Variants in SKOR2 observed in about 807,000 individuals in gnomAD.
SKOR2 encodes SKI family transcriptional corepressor 2.
SKOR2 carries 47 observed loss-of-function variants against 69.1 expected under a neutral mutation model. The observed-to-expected ratio is 0.68, with a 90% confidence interval of 0.54 to 0.87. The LOEUF (loss-of-function observed/expected upper bound fraction) is 0.87. Ranked by LOEUF, SKOR2 falls within the 40% of genes least tolerant of loss-of-function variation. SKOR2 has a pLI of 0.00. For synonymous variants in SKOR2, 717 were observed against 672.6 expected (o/e 1.07, Z -1.02); for missense variants, 1,404 against 1,472.2 (o/e 0.95, Z 0.76).
At chr18:47,244,250 T>G (rs2668772) in intron 4 of SKOR2, among the ~76,000 whole-genome samples, 98,833 of 152,022 alleles carry the variant, frequency 0.65, 33,022 homozygotes, top group African/African-American at 0.82. Context: ...AGACATTGCC[T>G]CAGGATAACA....
Position 47,247,181 on chromosome 18 carries a change from TGGTGGTGGTGGTGGTGGTGGTGAG to T in SKOR2, c.1979_2002del (p.Pro660_His667del). Reference sequence around the variant, plus strand: ...AAGCGGCGACGGCGGCTGCGGGGGGTGGTGGTGGTGGTGGTGGTGGTGAGGGTGGTGATGGTGGTGGGGATGCGT... The same window carrying T: ...AAGCGGCGACGGCGGCTGCGGGGGGTGGTGGTGATGGTGGTGGGGATGCGT... On this transcript the variant is annotated inframe_deletion, in exon 2 of 9. Coordinates refer to ENST00000425639, the MANE Select transcript of SKOR2 (RefSeq NM_001278063.4). This position sits in a 1 kb window ranked among gnomAD's most constrained non-coding sequence, Gnocchi z 6.6. 1.5e-6 allele frequency: 1 copy of T among 679,226 alleles called. No individual in the cohort carries two copies. Among genetic ancestry groups the T allele is most frequent in the Non-Finnish European group, 1.8e-6 (1 of 552,018 alleles). The allele number at this position is 679,226 out of a possible 1,614,324, so 42.1% of individuals were successfully genotyped here.
At chr18:47,207,297 A>G (rs1354624713) in intron 8 of SKOR2, among the ~76,000 whole-genome samples, 2 of 152,204 alleles carry the variant, frequency 1.3e-5, no homozygotes, top group Non-Finnish European at 2.9e-5. Flanking sequence ...TTCAAAATCA[A>G]TAAAATGATT....
intron 6 of SKOR2, among the ~76,000 whole-genome samples, chr18:47,225,247 T>TCATA (rs1349634717): frequency 6.6e-6 from 1 of 152,228 alleles, no homozygotes; most frequent in Non-Finnish European, 1.5e-5. Context: ...CTAACATTTT[T>TCATA]CATAAAGCCC....
chr18:47,246,970 C>A lies in SKOR2; in HGVS notation c.2214G>T (p.Glu738Asp). The change falls in exon 2 of 9, where the codon GAG becomes GAT. Residue 738 changes from glutamate to aspartate, a missense_variant. By Grantham distance (45) the Glu-to-Asp change is conservative. Coordinates refer to ENST00000425639, the MANE Select transcript of SKOR2 (RefSeq NM_001278063.4). Reference protein sequence around the residue: ...SEDSSEDEDDEEEEQEVDVEG... With the variant: ...SEDSSEDEDDDEEEQEVDVEG... ...CCACGTCCACCTCCTGCTCTTCTTC[C>A]TCGTCGTCCTCGTCCTCGGAGCTGT... 6.7e-7 allele frequency: 1 copy of A among 1,498,006 alleles called. No homozygotes were observed. The allele number at this position is 1,498,006 out of a possible 1,614,324, so 92.8% of individuals were successfully genotyped here. A position where few individuals can be genotyped will look rare whatever the true frequency, so the allele number is the denominator to read the frequency against.
intron 4 of SKOR2, among the ~76,000 whole-genome samples, chr18:47,242,567 T>C (rs772243364): frequency 2.0e-5 from 3 of 152,104 alleles, no homozygotes; most frequent in Non-Finnish European, 4.4e-5. Flanking sequence ...TGAAAAGCTA[T>C]TGCACATGTT....
intron 6 of SKOR2, among the ~76,000 whole-genome samples, chr18:47,222,868 T>G (rs1600029672): frequency 6.6e-6 from 1 of 152,218 alleles, no homozygotes; most frequent in East Asian, 1.9e-4. Flanking sequence ...TCATGCTCAT[T>G]TTTCTATGAT....
At chr18:47,238,363 C>T (rs1262218484) in intron 4 of SKOR2, among the ~76,000 whole-genome samples, 4 of 146,078 alleles carry the variant, frequency 2.7e-5, no homozygotes, top group Non-Finnish European at 6.0e-5. Context: ...TGCTCTGTCA[C>T]CCAGGCTGGA....
At chr18:47,250,919 A>G (rs779423654) in intron 1 of SKOR2, among the ~76,000 whole-genome samples, 38 of 152,038 alleles carry the variant, frequency 2.5e-4, no homozygotes, top group South Asian at 6.2e-4. Context: ...TATCCGCTTA[A>G]TAAGACCCTG....
chr18:47,214,630 C>A (rs760124081), intron 7 of SKOR2, among the ~76,000 whole-genome samples: 8 of 152,076 alleles, frequency 5.3e-5, no homozygotes, highest in Admixed American at 6.6e-5. Context: ...CACTTTATCC[C>A]CTCACATTTT....
chr18:47,221,956 A>G (rs936746969), intron 6 of SKOR2, among the ~76,000 whole-genome samples: 3 of 152,168 alleles, frequency 2.0e-5, no homozygotes, highest in African/African-American at 7.2e-5. Flanking sequence ...GGAGCCTCAG[A>G]CCTTTATCTA....
Position 47,248,700 on chromosome 18 carries a change from C to A in SKOR2, c.484G>T (p.Ala162Ser), listed in dbSNP as rs766088790. 44 of 1,562,324 alleles carry A rather than the reference C, an allele frequency of 2.8e-5. No individual in the cohort carries two copies. The highest frequency in any genetic ancestry group is 2.4e-4 in the Admixed American group (13 of 54,276). Residue 162 changes from alanine to serine, a missense_variant, in exon 2 of 9, where the codon GCG (alanine) becomes TCG (serine). Ala to Ser is a moderately conservative substitution (Grantham distance 99). This residue lies in a region of SKOR2 where 1,266 missense variants were observed against 1,309.9 expected (regional missense o/e 0.97). Coordinates refer to ENST00000425639, the MANE Select transcript of SKOR2 (RefSeq NM_001278063.4). The surrounding 1 kb of genome is among the most constrained non-coding windows in gnomAD (Gnocchi z 6.4). Reference protein sequence around the residue: ...AWGCRGSFIPARYNSSRAKCI... With the variant: ...AWGCRGSFIPSRYNSSRAKCI... ...TTGGCGCGCGAGCTGTTGTAGCGCG[C>A]GGGAATGAAGCTGCCGCGGCAGCCC...
intron 4 of SKOR2, among the ~76,000 whole-genome samples, chr18:47,237,303 A>C (rs2064228211): frequency 6.6e-6 from 1 of 152,260 alleles, no homozygotes; most frequent in Non-Finnish European, 1.5e-5. Flanking sequence ...AATTTCTTTC[A>C]GGAACAAACA....
chr18:47,217,431 T>C (rs2064147483), intron 7 of SKOR2, among the ~76,000 whole-genome samples: 1 of 152,234 alleles, frequency 6.6e-6, no homozygotes, highest in Admixed American at 6.5e-5. Context: ...TCATCTCTGT[T>C]AGGTGCAGAC....
chr18:47,235,188 C>CT (rs1297313600), intron 4 of SKOR2, among the ~76,000 whole-genome samples: 1 of 152,098 alleles, frequency 6.6e-6, no homozygotes, highest in Non-Finnish European at 1.5e-5. Flanking sequence ...TGGCGAAACT[C>CT]TGTCTGTACA....
chr18:47,237,697 TTC>T (rs916943291), intron 4 of SKOR2, among the ~76,000 whole-genome samples: 3 of 134,798 alleles, frequency 2.2e-5, no homozygotes, highest in Non-Finnish European at 3.2e-5. Flanking sequence ...TCTTTTCTTT[TTC>T]TTTTTTTTTT....
At chr18:47,244,635 A>G (rs2064263208) in intron 4 of SKOR2, among the ~76,000 whole-genome samples, 1 of 152,208 alleles carries the variant, frequency 6.6e-6, no homozygotes, top group Non-Finnish European at 1.5e-5. Flanking sequence ...TTTCTAAGAG[A>G]ACATTTCAAT....
intron 8 of SKOR2, among the ~76,000 whole-genome samples, chr18:47,207,548 C>G (rs923961890): frequency 6.6e-6 from 1 of 152,016 alleles, no homozygotes; most frequent in Non-Finnish European, 1.5e-5. Flanking sequence ...TGTGTTGGTC[C>G]AAAGATTAAA....
intron 8 of SKOR2, among the ~76,000 whole-genome samples, chr18:47,207,098 G>A (rs1423042140): frequency 6.6e-6 from 1 of 152,122 alleles, no homozygotes; most frequent in East Asian, 1.9e-4. Context: ...TCACAGTAAA[G>A]CCATTTAGAT....
intron 4 of SKOR2, among the ~76,000 whole-genome samples, chr18:47,238,787 AG>A: frequency 6.6e-6 from 1 of 151,282 alleles, no homozygotes; most frequent in Non-Finnish European, 1.5e-5. Context: ...GTTCTGCTGC[AG>A]GGGAGCACAC....
Sources: allele counts gnomAD v4.1 joint callset (sites outside exome capture counted in the v4.1 genomes callset), GRCh38; gene constraint gnomAD v4.1.1; regional missense constraint gnomAD v4.1.1; non-coding constraint Gnocchi (gnomAD v3.1); transcripts MANE v1.5; gene names NCBI Gene and HGNC (gene_info 2026-07-23, HGNC 2026-07-21).